Variants in BIRC6 observed in about 807,000 individuals in gnomAD.
The protein encoded by BIRC6 is baculoviral IAP repeat containing 6, also known as dual E2 ubiquitin-conjugating enzyme/E3 ubiquitin-protein ligase BIRC6.
A neutral mutation model predicts 503.3 loss-of-function variants in BIRC6; 98 were observed. The observed-to-expected ratio is 0.19, with a 90% CI of 0.17 to 0.23. The LOEUF (loss-of-function observed/expected upper bound fraction) is 0.23. BIRC6 is among the 10% of genes least tolerant of loss of function. The probability of loss-of-function intolerance (pLI) is 1.00; values close to 1 mark genes in which losing one functional copy is unlikely to be tolerated. For missense variants in BIRC6, 5,360 were observed against 5,806.0 expected, an observed-to-expected ratio of 0.92 and a Z score of 2.50; for synonymous variants, 2,240 against 2,078.7, an observed-to-expected ratio of 1.08 and a Z score of -2.11.
At chr2:32,589,724 T>G (rs1234345271) in intron 66 of BIRC6, among the ~76,000 whole-genome samples, 1 of 152,184 alleles carries the variant, frequency 6.6e-6, no homozygotes, top group Non-Finnish European at 1.5e-5. Context: ...TTTGACTGGC[T>G]CAGTTGGGTT....
chr2:32,386,957 A>G (rs533947298), intron 3 of BIRC6, among the ~76,000 whole-genome samples: 1 of 152,274 alleles, frequency 6.6e-6, no homozygotes, highest in South Asian at 2.1e-4. Flanking sequence ...TAACTATTAC[A>G]CAATAAGGAT....
intron 9 of BIRC6, among the ~76,000 whole-genome samples, chr2:32,413,715 G>GA (rs919447207): frequency 4.8e-5 from 7 of 146,546 alleles, no homozygotes; most frequent in East Asian, 2.0e-4. Context: ...AAAAAAAAAA[G>GA]AAAAAAAACA....
chr2:32,421,048 C>A (rs938126453), intron 10 of BIRC6, among the ~76,000 whole-genome samples: 4 of 149,184 alleles, frequency 2.7e-5, no homozygotes, highest in African/African-American at 9.9e-5. Flanking sequence ...TTATTATTTC[C>A]TCCCCTCTGC....
intron 15 of BIRC6, among the ~76,000 whole-genome samples, chr2:32,438,855 C>T (rs549434442): frequency 1.1e-3 from 160 of 152,236 alleles, no homozygotes; most frequent in African/African-American, 3.6e-3. Context: ...CCACTGCGCC[C>T]GGCCTATTTG....
At chr2:32,446,040 G>C (rs2045911784) in intron 21 of BIRC6, among the ~76,000 whole-genome samples, 1 of 152,018 alleles carries the variant, frequency 6.6e-6, no homozygotes, top group Non-Finnish European at 1.5e-5. Flanking sequence ...ATGTTTAGTA[G>C]AGACGGGGTT....
rs923261920 is a variant in BIRC6 at position 32,553,331 on chromosome 2, G to A, written c.13144+3850G>A. 5.8e-5 allele frequency among the ~76,000 whole-genome samples: 8 copies of A among 138,940 alleles called. No individual in the cohort carries two copies. The East Asian group carries it at 7.3e-4, about 13-fold the overall frequency. 91.2% of individuals were successfully genotyped at this position (138,940 alleles called of 152,430 possible). A position where few individuals can be genotyped will look rare whatever the true frequency, so the allele number is the denominator to read the frequency against. On this transcript the variant is annotated intron_variant, in intron 65 of 73. Coordinates refer to ENST00000421745, the MANE Select transcript of BIRC6 (RefSeq NM_016252.4). ...TTTCCTACTCTTTTGACCTCTTTTTGTAGATCTTAAAATGGGTGGAGAGGA... is the reference window on the plus strand; with the variant it reads ...TTTCCTACTCTTTTGACCTCTTTTTATAGATCTTAAAATGGGTGGAGAGGA...
intron 65 of BIRC6, among the ~76,000 whole-genome samples, chr2:32,573,885 T>C (rs1158002115): frequency 6.6e-6 from 1 of 152,230 alleles, no homozygotes; most frequent in Non-Finnish European, 1.5e-5. Flanking sequence ...CTGATAAATA[T>C]GTTTCCAGCC....
chr2:32,382,049 A>G (rs553487962), intron 3 of BIRC6, among the ~76,000 whole-genome samples: 40 of 152,348 alleles, frequency 2.6e-4, no homozygotes, highest in Admixed American at 9.8e-4. Flanking sequence ...ATTGTAAGAA[A>G]TTAACTGGTG....
At position 32,501,780 on chromosome 2, in the gene BIRC6, G is replaced by C. The variant is rs919073527; in HGVS notation, c.9099G>C (p.Gly3033=). 1 of 1,613,542 alleles carries C rather than the reference G, an allele frequency of 6.2e-7. No individual in the cohort carries two copies. Among genetic ancestry groups the C allele is most frequent in the African/African-American group, 1.3e-5 (1 of 74,842 alleles). The change falls in exon 47 of 74, where the codon GGG becomes GGC. Residue 3033 remains glycine, a synonymous_variant. Coordinates refer to ENST00000421745, the MANE Select transcript of BIRC6 (RefSeq NM_016252.4). ...FHGGLDAISV[G]DGLFTILTTL... The stretch of plus-strand genomic sequence containing the variant: ...GTGGGTTGGATGCCATATCAGTTGG[G>C]GATGGATTATTTACCATACTGACAA...
At chr2:32,485,233 A>G (rs1170200654) in intron 39 of BIRC6, among the ~76,000 whole-genome samples, 1 of 152,144 alleles carries the variant, frequency 6.6e-6, no homozygotes, top group South Asian at 2.1e-4. Flanking sequence ...CTTGGCATCT[A>G]TATTTCTGTA....
rs35410265 is a variant in BIRC6, at chr2:32,521,365, C to CAAAAAAAAAA, written c.11623+2438_11623+2447dup. Among the ~76,000 whole-genome samples, 104 of 21,516 alleles carry CAAAAAAAAAA rather than the reference C, an allele frequency of 4.8e-3. 21 individuals carry two copies. The highest frequency in any genetic ancestry group is 5.3e-3 in the Non-Finnish European group (65 of 12,334). The allele number at this position is 21,516 out of a possible 152,430, so 14.1% of individuals were successfully genotyped here. On this transcript the variant is annotated intron_variant, in intron 57 of 73. Transcript: ENST00000421745. The stretch of plus-strand genomic sequence containing the variant: ...TGGGCAACATAGCAAGACCTCATCT[C>CAAAAAAAAAA]AAAAAAAAAAAAAAAAAAAAAAAAA...
At chr2:32,397,773 T>A (rs1466777478) in intron 6 of BIRC6, among the ~76,000 whole-genome samples, 2 of 152,016 alleles carry the variant, frequency 1.3e-5, no homozygotes, top group African/African-American at 4.8e-5. Context: ...CAAAAAGTTA[T>A]TTAACCTATA....
Position 32,617,889 on chromosome 2 carries a change from T to G in BIRC6, c.14559T>G (p.Ser4853Arg). ...CCAGCAGCAGCAAAGAACTCCCCAGTGACTTCCAGTTATGAGCTGCATTGA... is the reference window on the plus strand; with the variant it reads ...CCAGCAGCAGCAAAGAACTCCCCAGGGACTTCCAGTTATGAGCTGCATTGA... ...VKPSSSKELP[S>R]DFQL Residue 4853 changes from serine (S) to arginine (R), a missense_variant, in exon 74 of 74, where the codon AGT becomes AGG. Ser to Arg is a moderately radical substitution (Grantham distance 110, BLOSUM62 -1). Around this residue, in one of 16 missense-constraint regions of BIRC6, gnomAD observed 140 missense variants for 130.2 expected, o/e 1.07. Transcript: ENST00000421745. The G allele has an allele frequency of 6.2e-7, 1 of 1,613,328 alleles. No homozygotes were observed. The highest frequency in any genetic ancestry group is 8.5e-7 in the Non-Finnish European group (1 of 1,179,516).
chr2:32,563,077 C>G lies in BIRC6; in HGVS notation c.13145-12079C>G, dbSNP rs561368860. On this transcript the variant is annotated intron_variant, in intron 65 of 73. Transcript: ENST00000421745. ...TGGCTATGCTACGTATTTTGCCTTT[C>G]CATAGAAACTTAATCATTTGATTGA... Among the ~76,000 whole-genome samples the G allele has an allele frequency of 2.4e-3, 369 of 152,280 alleles. 1 individual carries two copies. Among genetic ancestry groups the G allele is most frequent in the African/African-American group, 8.3e-3 (343 of 41,552 alleles).
At chr2:32,504,907 A>T in intron 49 of BIRC6, 98 bp from the exon 50 acceptor site, 2 of 1,104,512 alleles carry the variant, frequency 1.8e-6, no homozygotes, top group South Asian at 1.5e-5. Context: ...TCATGTTTTC[A>T]ATTAATTTTT....
intron 16 of BIRC6, 96 bp downstream of exon 16, chr2:32,439,782 G>A (rs2045197136): frequency 9.3e-7 from 1 of 1,079,026 alleles, no homozygotes. Flanking sequence ...TTTCAGTGAT[G>A]TTTTACTATA....
At position 32,593,917 on chromosome 2, in the gene BIRC6, C is replaced by G. The variant is rs753432548; in HGVS notation, c.13358C>G (p.Ser4453Cys). ...CVDTYTNRLR[S>C]KRENVKTGVK... ...CTTTCCATATTAAAAAAATTCAGAT[C>G]TAAAAGGGAAAATGTTAAAACAGGA... The change falls in exon 67 of 74, where the codon TCT (serine) becomes TGT (cysteine). Residue 4453 changes from serine to cysteine, a missense_variant and splice_region_variant. Transcript: ENST00000421745. 1 of 1,607,870 alleles carries G rather than the reference C, an allele frequency of 6.2e-7. No homozygotes were observed. Among genetic ancestry groups the G allele is most frequent in the East Asian group, 2.2e-5 (1 of 44,788 alleles).
intron 5 of BIRC6, 74 bp from the exon 6 acceptor site, chr2:32,395,437 A>G (rs2039767093): frequency 1.7e-6 from 2 of 1,197,990 alleles, no homozygotes; most frequent in Non-Finnish European, 1.2e-6. Flanking sequence ...ATGAACTTTT[A>G]AAAATAACTT....
chr2:32,478,967 T>A, intron 36 of BIRC6, 149 bp downstream of exon 36: 1 of 710,048 alleles, frequency 1.4e-6, no homozygotes, highest in Non-Finnish European at 2.3e-6. Context: ...GTTATAGCAG[T>A]AGCAACCATT....
Sources: gnomAD v4.1 joint callset for allele counts (sites outside exome capture counted in the v4.1 genomes callset) on GRCh38, gnomAD v4.1.1 for gene constraint, gnomAD v4.1.1 regional missense constraint, MANE v1.5 for transcripts, NCBI Gene and HGNC (gene_info 2026-07-23, HGNC 2026-07-21) for gene names.